KLF8: variants seen among roughly 807,000 people sequenced by gnomAD.
The protein encoded by KLF8 is KLF transcription factor 8.
KLF8 carries 10 observed loss-of-function variants against 18.2 expected under a neutral mutation model. The ratio of observed to expected loss-of-function variants is 0.55; its 90% CI spans 0.34 to 0.93. The LOEUF is 0.93. Among genes scored for constraint, KLF8 ranks in the 40% least tolerant of loss-of-function variants. The pLI is 0.02. For missense variants in KLF8, 264 were observed against 277.9 expected (o/e 0.95, Z 0.36); for synonymous variants, 109 against 97.3 (o/e 1.12, Z -0.71).
the KLF8 span, among the ~76,000 whole-genome samples, chrX:55,957,612 G>T: frequency 9.0e-6 from 1 of 111,472 alleles, no homozygotes; most frequent in Non-Finnish European, 1.9e-5. Flanking sequence ...GTGCCTCCTT[G>T]GTTAGGTTTA....
the KLF8 span, among the ~76,000 whole-genome samples, chrX:56,183,928 C>T: frequency 3.0e-3 from 338 of 111,779 alleles, no homozygotes; most frequent in African/African-American, 0.01. Flanking sequence ...TGGTCTACAG[C>T]TCCCACCATG....
At chrX:56,144,861 C>T in the KLF8 span, among the ~76,000 whole-genome samples, 2 of 108,167 alleles carry the variant, frequency 1.8e-5, no homozygotes, top group Non-Finnish European at 3.8e-5. Context: ...GGCACCATCT[C>T]AGCTCACTGC....
chrX:56,004,630 A>G, the KLF8 span, among the ~76,000 whole-genome samples: 2 of 111,697 alleles, frequency 1.8e-5, no homozygotes, highest in African/African-American at 6.5e-5. Flanking sequence ...GGAGAAAAAA[A>G]TAATTCAATC....
At chrX:56,184,656 G>A in the KLF8 span, among the ~76,000 whole-genome samples, 8 of 111,501 alleles carry the variant, frequency 7.2e-5, no homozygotes, top group African/African-American at 2.3e-4. Flanking sequence ...TCACACGGCC[G>A]GGTACTCCTC....
At chrX:55,919,642 A>C in the KLF8 span, among the ~76,000 whole-genome samples, 4 of 60,545 alleles carry the variant, frequency 6.6e-5, no homozygotes, top group African/African-American at 2.5e-4. Context: ...GACTCAGCAG[A>C]AGCAGCCATA....
intron 1 of KLF8, among the ~76,000 whole-genome samples, chrX:56,236,204 T>A (rs1324688278): frequency 1.8e-5 from 2 of 111,938 alleles, no homozygotes; most frequent in Non-Finnish European, 3.8e-5. Context: ...TCTGGACTCT[T>A]CACTCATTCC....
chrX:56,177,575 T>A, the KLF8 span, among the ~76,000 whole-genome samples: 1 of 111,507 alleles, frequency 9.0e-6, no homozygotes, highest in Non-Finnish European at 1.9e-5. Context: ...AGGCAGTCTG[T>A]CTGTTCTGAG....
chrX:55,988,418 A>C, the KLF8 span, among the ~76,000 whole-genome samples: 1 of 112,019 alleles, frequency 8.9e-6, no homozygotes, highest in Admixed American at 9.4e-5. Flanking sequence ...CTTTCTACAT[A>C]TGGCTAGCCA....
At chrX:56,015,036 T>C in the KLF8 span, 1 of 109,778 alleles carries the variant, frequency 9.1e-6, no homozygotes, top group East Asian at 2.8e-4. Flanking sequence ...AATTCACTAA[T>C]AGATGCTGGG....
the KLF8 span, among the ~76,000 whole-genome samples, chrX:55,976,618 C>T: frequency 5.5e-5 from 6 of 109,126 alleles, no homozygotes; most frequent in Non-Finnish European, 7.6e-5. Context: ...TTTGGCAGTT[C>T]GGCATGTTTT....
the KLF8 span, among the ~76,000 whole-genome samples, chrX:56,043,695 G>T: frequency 1.1e-4 from 12 of 112,045 alleles, no homozygotes; most frequent in East Asian, 2.2e-3. Flanking sequence ...CAGGCTATCA[G>T]CTCCTGCATT....
the KLF8 span, among the ~76,000 whole-genome samples, chrX:55,999,247 G>A: frequency 1.2e-5 from 1 of 83,405 alleles, no homozygotes; most frequent in South Asian, 5.6e-4. Context: ...CTATAACCTC[G>A]TATTATAATT....
At chrX:56,201,273 C>G in the KLF8 span, among the ~76,000 whole-genome samples, 1 of 111,887 alleles carries the variant, frequency 8.9e-6, no homozygotes, top group East Asian at 2.8e-4. Context: ...AAATATTATT[C>G]ACCCTTTAAA....
the KLF8 span, among the ~76,000 whole-genome samples, chrX:56,134,808 AAAAG>A: frequency 1.8e-5 from 2 of 110,896 alleles, no homozygotes; most frequent in South Asian, 3.8e-4. Flanking sequence ...TTAGCAGGAA[AAAAG>A]AAAGAAAGAA....
At chrX:56,266,506 GAACA>G in intron 3 of KLF8, 1 of 748,554 alleles carries the variant, frequency 1.3e-6, no homozygotes, top group African/African-American at 2.3e-5. Flanking sequence ...ATAATTTGAT[GAACA>G]AACAAACTTG....
At chrX:56,184,560 A>G in the KLF8 span, among the ~76,000 whole-genome samples, 1 of 112,367 alleles carries the variant, frequency 8.9e-6, no homozygotes, top group South Asian at 3.7e-4. Flanking sequence ...GAGAATGGGC[A>G]GACTGCCTCC....
the KLF8 span, among the ~76,000 whole-genome samples, chrX:55,952,000 G>A: frequency 1.8e-3 from 198 of 112,171 alleles, no homozygotes; most frequent in African/African-American, 6.1e-3. Flanking sequence ...TTATACCCTG[G>A]CTGAGTAAGA....
the KLF8 span, among the ~76,000 whole-genome samples, chrX:56,191,794 T>G: frequency 3.6e-5 from 4 of 111,302 alleles, no homozygotes; most frequent in African/African-American, 1.3e-4. Context: ...ATGTTAAAAA[T>G]TATTTAAAAA....
At chrX:55,976,703 G>T in the KLF8 span, among the ~76,000 whole-genome samples, 3 of 111,068 alleles carry the variant, frequency 2.7e-5, no homozygotes, top group Non-Finnish European at 5.7e-5. Context: ...CATAGGGATT[G>T]CATTGAATCA....
Sources: allele counts gnomAD v4.1 joint callset (sites outside exome capture counted in the v4.1 genomes callset), GRCh38; gene constraint gnomAD v4.1.1; transcripts MANE v1.5; gene names NCBI Gene and HGNC (gene_info 2026-07-23, HGNC 2026-07-21).